Variants in ATG10 observed in about 807,000 individuals in gnomAD.
The protein encoded by ATG10 is autophagy related 10.
A neutral mutation model predicts 32.1 loss-of-function variants in ATG10; 30 were observed. The ratio of observed to expected loss-of-function variants is 0.94; its 90% CI spans 0.70 to 1.27. The LOEUF (loss-of-function observed/expected upper bound fraction) is 1.27. Ranked by LOEUF, ATG10 falls within the 50% of genes most tolerant of loss-of-function variation. The pLI is 0.00. For synonymous variants in ATG10, 87 were observed against 91.5 expected (o/e 0.95, Z 0.28); for missense variants, 233 against 262.3 (o/e 0.89, Z 0.77).
chr5:81,987,620 C>T lies in ATG10; in HGVS notation c.50C>T (p.Ala17Val). The T allele has an allele frequency of 6.2e-7, 1 of 1,612,934 alleles. No homozygotes were observed. Among genetic ancestry groups the T allele is most frequent in the South Asian group, 1.1e-5 (1 of 90,714 alleles). The change falls in exon 2 of 8, where the codon GCA becomes GTA. Residue 17 changes from alanine to valine, a missense_variant. Ala to Val is a moderately conservative substitution (Grantham distance 64, BLOSUM62 0). Coordinates refer to ENST00000282185, the MANE Select transcript of ATG10 (RefSeq NM_031482.5). ...GAAAAAACATTCCAACGTTATTGTG[C>T]AGAATTCATTAAACATTCACAACAG... ...IGEKTFQRYCAEFIKHSQQIG... is the reference protein window; with the variant it reads ...IGEKTFQRYCVEFIKHSQQIG...
intron 3 of ATG10, among the ~76,000 whole-genome samples, chr5:82,155,561 C>G (rs571370657): frequency 1.3e-5 from 2 of 152,120 alleles, no homozygotes; most frequent in African/African-American, 4.8e-5. Flanking sequence ...CACACAGAAG[C>G]CTAAAATATT....
chr5:82,115,685 G>T (rs1765784077), intron 3 of ATG10, among the ~76,000 whole-genome samples: 1 of 152,060 alleles, frequency 6.6e-6, no homozygotes, highest in South Asian at 2.1e-4. Flanking sequence ...TCTGCTTCAT[G>T]ACCTTTGGCA....
chr5:82,100,000 G>GCTTTT (rs1765206299), intron 3 of ATG10, among the ~76,000 whole-genome samples: 1 of 58,940 alleles, frequency 1.7e-5, no homozygotes, highest in Non-Finnish European at 3.1e-5. Context: ...CTTTTTCTGT[G>GCTTTT]TTTTTTTTTT....
chr5:82,120,678 G>A (rs907887196), intron 3 of ATG10, among the ~76,000 whole-genome samples: 4 of 151,488 alleles, frequency 2.6e-5, no homozygotes, highest in Non-Finnish European at 5.9e-5. Context: ...TTAAGCCCCA[G>A]CCACTTTCCC....
At chr5:82,065,533 A>G (rs908384492) in intron 3 of ATG10, among the ~76,000 whole-genome samples, 3 of 152,032 alleles carry the variant, frequency 2.0e-5, no homozygotes, top group African/African-American at 7.2e-5. Flanking sequence ...ACAGAAGCAA[A>G]CATAATCGAT....
intron 5 of ATG10, among the ~76,000 whole-genome samples, chr5:82,197,720 T>TTCTTTCTTTCTA (rs754765531): frequency 2.2e-4 from 32 of 143,936 alleles, no homozygotes; most frequent in African/African-American, 7.9e-4. Context: ...CTTTCTTTCT[T>TTCTTTCTTTCTA]TCTATCTATC....
intron 5 of ATG10, among the ~76,000 whole-genome samples, chr5:82,185,481 A>C (rs1007128249): frequency 5.9e-5 from 9 of 152,212 alleles, no homozygotes; most frequent in Non-Finnish European, 1.0e-4. Flanking sequence ...GAATAGGAGA[A>C]GCCTGTGCAG....
At chr5:82,058,693 T>G in intron 3 of ATG10, 91 bp downstream of exon 3, 9 of 756,772 alleles carry the variant, frequency 1.2e-5, no homozygotes, top group Non-Finnish European at 1.8e-5. Context: ...CATTCCATCC[T>G]ATGGAAGCAC....
intron 3 of ATG10, among the ~76,000 whole-genome samples, chr5:82,087,693 T>G (rs898590609): frequency 1.2e-4 from 18 of 152,158 alleles, no homozygotes; most frequent in African/African-American, 4.3e-4. Flanking sequence ...ATAGGACAGT[T>G]AATCAAAATA....
Position 82,083,665 on chromosome 5 carries a change from C to T in ATG10, c.216+25063C>T, listed in dbSNP as rs537450274. The stretch of plus-strand genomic sequence containing the variant: ...GGAAGGATCAGGCAGCAACGTCTGC[C>T]GTTCTGCAATATTTGCTGTTCTGCA... On this transcript the variant is annotated intron_variant, in intron 3 of 7. Transcript: ENST00000282185. 1.2e-3 allele frequency among the ~76,000 whole-genome samples: 176 copies of T among 152,288 alleles called. 2 individuals are homozygous for T. Among genetic ancestry groups the T allele is most frequent in the Admixed American group, 2.3e-3 (35 of 15,304 alleles).
intron 4 of ATG10, among the ~76,000 whole-genome samples, chr5:82,169,168 G>A (rs1285211947): frequency 6.6e-6 from 1 of 152,036 alleles, no homozygotes; most frequent in Non-Finnish European, 1.5e-5. Flanking sequence ...GTCAAATTAT[G>A]GAAGAGATAA....
At chr5:82,123,764 CAAAAAAAAAA>C (rs1178883742) in intron 3 of ATG10, among the ~76,000 whole-genome samples, 1 of 56,818 alleles carries the variant, frequency 1.8e-5, no homozygotes, top group African/African-American at 6.5e-5. Context: ...ACTGTCTGTA[CAAAAAAAAAA>C]AAAAAAAAAA....
At chr5:82,168,806 A>G (rs765095545) in intron 4 of ATG10, among the ~76,000 whole-genome samples, 20 of 152,230 alleles carry the variant, frequency 1.3e-4, no homozygotes, top group South Asian at 6.2e-4. Flanking sequence ...AAAGCAGCAT[A>G]TAAATCATCA....
At chr5:82,176,588 A>G (rs936720168) in intron 4 of ATG10, among the ~76,000 whole-genome samples, 1 of 152,142 alleles carries the variant, frequency 6.6e-6, no homozygotes, top group African/African-American at 2.4e-5. Flanking sequence ...ATGCGCACAC[A>G]GACACACGCA....
intron 3 of ATG10, among the ~76,000 whole-genome samples, chr5:82,095,499 T>C (rs1212922721): frequency 1.3e-5 from 2 of 152,216 alleles, no homozygotes; most frequent in Admixed American, 1.3e-4. Context: ...CATGGTGCAA[T>C]TAGCAAATAC....
chr5:82,148,002 C>G (rs1001702739), intron 3 of ATG10: 1 of 152,166 alleles, frequency 6.6e-6, no homozygotes, highest in Non-Finnish European at 1.5e-5. Flanking sequence ...TTATTTGTAG[C>G]AGGATTGGTC....
chr5:82,183,630 AT>A (rs1744333651), intron 5 of ATG10, among the ~76,000 whole-genome samples: 1 of 152,162 alleles, frequency 6.6e-6, no homozygotes, highest in South Asian at 2.1e-4. Flanking sequence ...TTCATTAGTG[AT>A]TGCAAGATGG....
chr5:82,040,344 A>G (rs1053715168), intron 2 of ATG10, among the ~76,000 whole-genome samples: 12 of 152,372 alleles, frequency 7.9e-5, no homozygotes, highest in African/African-American at 2.4e-4. Context: ...AACAAACTGT[A>G]TAGATTTATA....
At chr5:82,138,868 TC>T (rs1561319881) in intron 3 of ATG10, among the ~76,000 whole-genome samples, 88 of 18,938 alleles carry the variant, frequency 4.6e-3, no homozygotes, top group Admixed American at 1.1e-3. Flanking sequence ...CCCCTCCCCC[TC>T]CCCCTCCCCC....
Sources: allele counts gnomAD v4.1 joint callset (sites outside exome capture counted in the v4.1 genomes callset), GRCh38; gene constraint gnomAD v4.1.1; transcripts MANE v1.5; gene names NCBI Gene and HGNC (gene_info 2026-07-23, HGNC 2026-07-21).